The following ANK2 variants were observed in gnomAD, a reference collection of about 807,000 sequenced individuals.
ANK2 encodes the protein ankyrin 2.
Under a neutral mutation model 360.5 loss-of-function variants are expected in ANK2, and 83 were observed. The ratio of observed to expected loss-of-function variants is 0.23; its 90% confidence interval spans 0.19 to 0.28. ANK2 has a LOEUF of 0.28. Among genes scored for constraint, ANK2 ranks in the 10% least tolerant of loss-of-function variants. The pLI is 1.00. For synonymous variants in ANK2, 1,740 were observed against 1,759.5 expected, an observed-to-expected ratio of 0.99 and a Z score of 0.28; for missense variants, 4,201 against 4,795.7, an observed-to-expected ratio of 0.88 and a Z score of 3.66.
chr4:113,067,855 T>C (rs1319848055), intron 1 of ANK2, among the ~76,000 whole-genome samples: 1 of 152,182 alleles, frequency 6.6e-6, no homozygotes, highest in African/African-American at 2.4e-5. Context: ...TTCCAAAACT[T>C]CAGGCAGGCC....
At chr4:113,138,080 G>C (rs1014524029) in intron 1 of ANK2, among the ~76,000 whole-genome samples, 5 of 151,736 alleles carry the variant, frequency 3.3e-5, no homozygotes, top group Non-Finnish European at 7.4e-5. Context: ...ACATATTCAG[G>C]GTATTTATTT....
At chr4:112,745,531 C>CTTTTTTTTTTTTTTTTTTTTTTTTTTTTT in the ANK2 span, among the ~76,000 whole-genome samples, 1 of 123,144 alleles carries the variant, frequency 8.1e-6, no homozygotes, top group African/African-American at 3.1e-5. Flanking sequence ...AGTACTAGAT[C>CTTTTTTTTTTTTTTTTTTTTTTTTTTTTT]TTTTTTTTTT....
chr4:112,829,106 T>G (rs539546863), intron 1 of ANK2, among the ~76,000 whole-genome samples: 1 of 152,302 alleles, frequency 6.6e-6, no homozygotes, highest in Non-Finnish European at 1.5e-5. Context: ...TGAGCTGAGA[T>G]GATGCCACTG....
the ANK2 span, among the ~76,000 whole-genome samples, chr4:112,710,961 T>A: frequency 9.4e-6 from 1 of 106,782 alleles, no homozygotes; most frequent in Non-Finnish European, 1.9e-5. Flanking sequence ...TTATTTATTT[T>A]TTATTATAAA....
At chr4:112,784,299 C>T in the ANK2 span, among the ~76,000 whole-genome samples, 1 of 151,636 alleles carries the variant, frequency 6.6e-6, no homozygotes, top group Admixed American at 6.6e-5. Flanking sequence ...ATCCTCCCAC[C>T]TCAGCCTTCC....
At chr4:113,346,583 C>T (rs1201472473) in intron 35 of ANK2, among the ~76,000 whole-genome samples, 1 of 152,100 alleles carries the variant, frequency 6.6e-6, no homozygotes, top group East Asian at 1.9e-4. Flanking sequence ...TGTGATGGTG[C>T]ACACCTGTAG....
chr4:113,101,063 G>A (rs1359516595), intron 1 of ANK2, among the ~76,000 whole-genome samples: 1 of 152,022 alleles, frequency 6.6e-6, no homozygotes, highest in East Asian at 1.9e-4. Flanking sequence ...TGTGATCCTG[G>A]AATACATGAC....
At chr4:112,923,827 C>T (rs2092054753) in intron 2 of ANK2, among the ~76,000 whole-genome samples, 2 of 152,080 alleles carry the variant, frequency 1.3e-5, no homozygotes, top group African/African-American at 4.8e-5. Flanking sequence ...CGCCCAGATT[C>T]TTGGAATTTG....
Position 113,359,063 on chromosome 4 carries a change from G to A in ANK2, c.10445G>A (p.Ser3482Asn), listed in dbSNP as rs2096025653. The A allele has an allele frequency of 6.2e-7, 1 of 1,614,084 alleles. No homozygotes were observed. The highest frequency in any genetic ancestry group is 1.3e-5 in the African/African-American group (1 of 75,048). Residue 3482 changes from serine to asparagine, a missense_variant, in exon 38 of 46, where the codon AGT becomes AAT. Coordinates refer to ENST00000357077, the MANE Select transcript of ANK2 (RefSeq NM_001148.6). ...TCCATAGAATTCTTTGAGGAGATTAGTGATGAGGCTTCCAAATTAGTGGAT... is the reference window on the plus strand; with the variant it reads ...TCCATAGAATTCTTTGAGGAGATTAATGATGAGGCTTCCAAATTAGTGGAT... ...RNSIEFFEEISDEASKLVDRL... is the reference protein window; with the variant it reads ...RNSIEFFEEINDEASKLVDRL...
intron 2 of ANK2, among the ~76,000 whole-genome samples, chr4:113,043,419 A>G (rs549623489): frequency 6.6e-6 from 1 of 151,700 alleles, no homozygotes; most frequent in Non-Finnish European, 1.5e-5. Context: ...CTCTGTGTAC[A>G]TTCCAACAAA....
chr4:112,863,307 T>C (rs2068766804), intron 1 of ANK2, among the ~76,000 whole-genome samples: 1 of 152,082 alleles, frequency 6.6e-6, no homozygotes, highest in Non-Finnish European at 1.5e-5. Flanking sequence ...GTAGTAGAGA[T>C]GTTGGTAATT....
intron 1 of ANK2, among the ~76,000 whole-genome samples, chr4:112,840,957 C>T (rs988067500): frequency 3.9e-5 from 6 of 151,926 alleles, no homozygotes; most frequent in Non-Finnish European, 5.9e-5. Flanking sequence ...CTGTTATATA[C>T]TTGAGTATCC....
At chr4:112,898,232 A>G (rs78424791) in intron 1 of ANK2, among the ~76,000 whole-genome samples, 11,603 of 152,226 alleles carry the variant, frequency 0.076, 918 homozygotes, top group East Asian at 0.32. Flanking sequence ...GTTATTATTA[A>G]CTAAAGTCCA....
chr4:113,018,265 T>A (rs2057165577), intron 2 of ANK2, among the ~76,000 whole-genome samples: 1 of 152,152 alleles, frequency 6.6e-6, no homozygotes, highest in Admixed American at 6.5e-5. Flanking sequence ...TGGAGAAAAT[T>A]TGAAATTAAG....
At chr4:113,131,019 C>T (rs2095992723) in intron 1 of ANK2, among the ~76,000 whole-genome samples, 1 of 152,154 alleles carries the variant, frequency 6.6e-6, no homozygotes. Context: ...TTTGTCTTCC[C>T]TTGTACCATT....
chr4:113,120,594 A>G (rs1186243177), intron 1 of ANK2, among the ~76,000 whole-genome samples: 3 of 152,124 alleles, frequency 2.0e-5, no homozygotes, highest in Admixed American at 2.0e-4. Context: ...TATTTATTTT[A>G]TTTATTTTAA....
At chr4:113,170,635 C>CA (rs1254797401) in intron 1 of ANK2, among the ~76,000 whole-genome samples, 13 of 152,146 alleles carry the variant, frequency 8.5e-5, no homozygotes, top group Non-Finnish European at 1.6e-4. Context: ...CCCCTGTGGA[C>CA]ATGCCCCTAG....
chr4:113,155,447 T>C (rs1233810205), intron 1 of ANK2, among the ~76,000 whole-genome samples: 1 of 152,066 alleles, frequency 6.6e-6, no homozygotes, highest in Non-Finnish European at 1.5e-5. Flanking sequence ...AAAGGAGACA[T>C]TGGAGAAATT....
Position 113,174,610 on chromosome 4 carries a change from AC to A in ANK2, c.186+94del, listed in dbSNP as rs1316761189. ...GATTATTTTTGTCTTTATTAAAAAT[AC>A]TAAAATATCAGTGACTCAGACTTCT... On this transcript the variant is annotated intron_variant, in intron 2 of 45. Transcript: ENST00000357077. 2.7e-4 allele frequency: 282 copies of A among 1,042,476 alleles called. 2 individuals carry two copies. The highest frequency in any genetic ancestry group is 1.7e-5 in the Non-Finnish European group (12 of 701,014). The allele number at this position is 1,042,476 out of a possible 1,614,324, so 64.6% of individuals were successfully genotyped here.
Sources: gnomAD v4.1 joint callset for allele counts (sites outside exome capture counted in the v4.1 genomes callset) on GRCh38, gnomAD v4.1.1 for gene constraint, MANE v1.5 for transcripts, NCBI Gene and HGNC (gene_info 2026-07-23, HGNC 2026-07-21) for gene names.